Variants in MAST1 observed in about 807,000 individuals in gnomAD.
MAST1 encodes the protein microtubule-associated serine/threonine-protein kinase 1.
In MAST1, 40 loss-of-function variants were observed where a neutral mutation model predicts 124.6. The observed-to-expected ratio is 0.32, with a 90% CI of 0.25 to 0.42. The LOEUF (loss-of-function observed/expected upper bound fraction) is 0.42, where lower values mean the gene tolerates loss of function less well. Ranked by LOEUF, MAST1 falls within the 10% of genes least tolerant of loss-of-function variation. MAST1 has a pLI of 1.00. For missense variants in MAST1, 1,558 were observed against 2,181.9 expected (o/e 0.71, Z 5.70); for synonymous variants, 938 against 939.4 (o/e 1.00, Z 0.03).
rs373003173 is a variant in MAST1 at position 12,843,510 on chromosome 19, C to G, written c.249-19C>G. 9.9e-6 allele frequency: 16 copies of G among 1,609,944 alleles called. No individual in the cohort carries two copies. The highest frequency in any genetic ancestry group is 1.3e-5 in the African/African-American group (1 of 74,822). ...CCGCTGGGGCCTTGTGGCCTCTGAG[C>G]ACCTTGGCTGGGTTCCAGGGCGGAC... is the stretch of plus-strand genomic sequence containing the variant. On this transcript the variant is annotated intron_variant, in intron 3 of 25. Coordinates refer to ENST00000251472, the MANE Select transcript of MAST1 (RefSeq NM_014975.3). This position sits in a 1 kb window ranked among gnomAD's most constrained non-coding sequence, Gnocchi z 4.9.
In MAST1 at chr19:12,864,791, C is replaced by T. The variant is rs932631405; in HGVS notation, c.1367-18C>T. ...GGAATGCCTCCCTTTTTATGCGGGC[C>T]CATTTCCTGGCCTGCAGGCGGCGAC... On this transcript the variant is annotated intron_variant, in intron 12 of 25. Coordinates refer to ENST00000251472, the MANE Select transcript of MAST1 (RefSeq NM_014975.3). 2 of 1,613,236 alleles carry T rather than the reference C, an allele frequency of 1.2e-6. No homozygotes were observed. Among genetic ancestry groups the T allele is most frequent in the South Asian group, 2.2e-5 (2 of 91,078 alleles).
chr19:12,840,168 T>C (rs1969808140), intron 1 of MAST1, among the ~76,000 whole-genome samples: 1 of 152,218 alleles, frequency 6.6e-6, no homozygotes, highest in African/African-American at 2.4e-5. Flanking sequence ...TCACCAATGG[T>C]GTCACCTAGA....
chr19:12,865,582 G>A lies in MAST1; in HGVS notation c.1804+101G>A. 6.0e-6 allele frequency: 9 copies of A among 1,499,698 alleles called. No homozygotes were observed. Among genetic ancestry groups the A allele is most frequent in the East Asian group, 2.3e-5 (1 of 44,010 alleles). 92.9% of individuals were successfully genotyped at this position (1,499,698 alleles called of 1,614,324 possible). ...TTCAAAAGCGACCCCCCAGAGGATC[G>A]CTTGCACTCAGGAGGTCAAGGCTGC... On this transcript the variant is annotated intron_variant, in intron 15 of 25. Transcript: ENST00000251472. This position sits in a 1 kb window ranked among gnomAD's most constrained non-coding sequence, Gnocchi z 7.1.
At chr19:12,857,895 G>A (rs944566563) in intron 10 of MAST1, among the ~76,000 whole-genome samples, 1 of 151,368 alleles carries the variant, frequency 6.6e-6, no homozygotes, top group Non-Finnish European at 1.5e-5. Context: ...ATGTGCCTGT[G>A]GTCCCAGCTA....
rs773991868 is a variant in MAST1, at chr19:12,867,730, C to T, written c.2319C>T (p.Ile773=). 3.0e-5 allele frequency: 46 copies of T among 1,531,280 alleles called. No individual in the cohort carries two copies. Among genetic ancestry groups the T allele is most frequent in the East Asian group, 2.4e-4 (10 of 42,096 alleles). The allele number at this position is 1,531,280 out of a possible 1,614,324, so 94.9% of individuals were successfully genotyped here. A position where few individuals can be genotyped will look rare whatever the true frequency, so the allele number is the denominator to read the frequency against. Residue 773 remains isoleucine (I), a splice_region_variant and synonymous_variant, in exon 20 of 26, where the codon ATC becomes ATT. Transcript: ENST00000251472. The part of the protein sequence containing the change: ...EKTWRGGSPE[I]KRFSASEASF... ...CCATAACCACGCCCCCTCCATGCAGCAAGCGATTCTCCGCGTCCGAGGCCA... is the reference window on the plus strand; with the variant it reads ...CCATAACCACGCCCCCTCCATGCAGTAAGCGATTCTCCGCGTCCGAGGCCA...
chr19:12,843,053 A>G lies in MAST1; in HGVS notation c.249-476A>G, dbSNP rs1270338133. Among the ~76,000 whole-genome samples, 9 of 152,186 alleles carry G rather than the reference A, an allele frequency of 5.9e-5. No individual in the cohort carries two copies. On this transcript the variant is annotated intron_variant, in intron 3 of 25. Transcript: ENST00000251472. The surrounding 1 kb of genome is among the most constrained non-coding windows in gnomAD (Gnocchi z 4.9). ...GTGAGCCTGACCTGATAGTCACACC[A>G]ACATTAATGGATTTGGCTGCAACAG...
At chr19:12,840,321 G>C in intron 1 of MAST1, 125 bp from the exon 2 acceptor site, 1 of 668,430 alleles carries the variant, frequency 1.5e-6, no homozygotes, top group Non-Finnish European at 2.7e-6. Flanking sequence ...AACCCTCCCA[G>C]GGAGCCTCCA....
intron 2 of MAST1, 115 bp downstream of exon 2, chr19:12,840,649 A>T: frequency 1.3e-6 from 1 of 760,148 alleles, no homozygotes. Context: ...GAGGCGAACC[A>T]GTTTGGATAA....
chr19:12,874,286 C>G lies in MAST1; in HGVS notation c.4129C>G (p.Pro1377Ala). Residue 1377 changes from proline (P) to alanine (A), a missense_variant, in exon 26 of 26, where the codon CCC becomes GCC. By Grantham distance (27) the Pro-to-Ala change is conservative (BLOSUM62 -1). Transcript: ENST00000251472. The surrounding 1 kb of genome is among the most constrained non-coding windows in gnomAD (Gnocchi z 6.6). Reference sequence around the variant, plus strand: ...GTGCACCCCACCCCGCGCGACGACCCCCGGTGGCCGGACCCTGGAGCGGGA... The same window carrying G: ...GTGCACCCCACCCCGCGCGACGACCGCCGGTGGCCGGACCCTGGAGCGGGA... ...EACTPPRATTPGGRTLERDVG... is the reference protein window; with the variant it reads ...EACTPPRATTAGGRTLERDVG... The G allele has an allele frequency of 6.3e-7, 1 of 1,591,170 alleles. No homozygotes were observed.
intron 1 of MAST1, among the ~76,000 whole-genome samples, chr19:12,839,557 C>G (rs1453765808): frequency 6.6e-6 from 1 of 152,196 alleles, no homozygotes; most frequent in Non-Finnish European, 1.5e-5. Context: ...CACATGTTAT[C>G]ACATTGCAAG....
Position 12,874,282 on chromosome 19 carries a change from G to A in MAST1, c.4125G>A (p.Thr1375=), listed in dbSNP as rs745333105. 2 of 1,589,788 alleles carry A rather than the reference G, an allele frequency of 1.3e-6. No homozygotes were observed. The highest frequency in any genetic ancestry group is 8.5e-7 in the Non-Finnish European group (1 of 1,173,996). ...AGGCGTGCACCCCACCCCGCGCGAC[G>A]ACCCCCGGTGGCCGGACCCTGGAGC... The part of the protein sequence containing the change: ...GAEACTPPRA[T]TPGGRTLERD... The change falls in exon 26 of 26, where the codon ACG becomes ACA. Residue 1375 remains threonine (T), a synonymous_variant. Coordinates refer to ENST00000251472, the MANE Select transcript of MAST1 (RefSeq NM_014975.3). The surrounding 1 kb of genome is among the most constrained non-coding windows in gnomAD (Gnocchi z 6.6).
Position 12,865,391 on chromosome 19 carries a change from G to T in MAST1, c.1714G>T (p.Ala572Ser). The change falls in exon 15 of 26, where the codon GCT becomes TCT. Residue 572 changes from alanine to serine, a missense_variant. Around this residue, in one of 10 missense-constraint regions of MAST1, gnomAD observed 145 missense variants for 350.0 expected, o/e 0.41. Coordinates refer to ENST00000251472, the MANE Select transcript of MAST1 (RefSeq NM_014975.3). The surrounding 1 kb of genome is among the most constrained non-coding windows in gnomAD (Gnocchi z 7.1). ...QGYGKPVDWWAMGIILYEFLV... is the reference protein window; with the variant it reads ...QGYGKPVDWWSMGIILYEFLV... ...CTACGGCAAGCCAGTGGACTGGTGG[G>T]CTATGGGGATCATCCTCTACGAGTT... 6.2e-6 allele frequency: 10 copies of T among 1,612,742 alleles called. No individual in the cohort carries two copies. The highest frequency in any genetic ancestry group is 1.3e-5 in the African/African-American group (1 of 74,966).
chr19:12,855,346 G>T lies in MAST1; in HGVS notation c.1077+2951G>T, dbSNP rs199854081. Among the ~76,000 whole-genome samples the T allele has an allele frequency of 2.6e-5, 4 of 152,154 alleles. No homozygotes were observed. In the East Asian group the frequency reaches 7.7e-4, roughly 29 times the overall value. On this transcript the variant is annotated intron_variant, in intron 10 of 25. Transcript: ENST00000251472. The stretch of plus-strand genomic sequence containing the variant: ...GAAAAATCAGAAGTTCTAGGGCTGG[G>T]TGTAGTGGCTCATGCCTGTAGTCCC...
At chr19:12,852,636 C>T (rs902096369) in intron 10 of MAST1, among the ~76,000 whole-genome samples, 9 of 151,062 alleles carry the variant, frequency 6.0e-5, no homozygotes, top group Non-Finnish European at 1.0e-4. Flanking sequence ...GTCGGGAGTT[C>T]GAGACCAGCC....
In MAST1 at chr19:12,841,530, T is replaced by TG. The variant is rs754247783; in HGVS notation, c.248+468dup. Among the ~76,000 whole-genome samples, 5 of 152,336 alleles carry TG rather than the reference T, an allele frequency of 3.3e-5. No homozygotes were observed. The highest frequency in any genetic ancestry group is 3.9e-4 in the East Asian group (2 of 5,182). ...CTTTCCAAGGGTCTCTTAGGGTTTC[T>TG]GGGGTGTCCTTAAATGAATTTTCTA... On this transcript the variant is annotated intron_variant, in intron 3 of 25. Transcript: ENST00000251472. This position sits in a 1 kb window ranked among gnomAD's most constrained non-coding sequence, Gnocchi z 4.3.
intron 10 of MAST1, 151 bp downstream of exon 10, chr19:12,852,546 A>T: frequency 1.3e-6 from 1 of 755,226 alleles, no homozygotes; most frequent in Non-Finnish European, 2.2e-6. Flanking sequence ...GATTAATAAT[A>T]GCTCTTCCAG....
In MAST1 at chr19:12,865,512, G is replaced by A. The variant is rs1970140614; in HGVS notation, c.1804+31G>A. ...TGGCTTGGCAGTGTACAGGGGCAGA[G>A]TGTGGTGTGCACGGAGAGATGGACA... On this transcript the variant is annotated intron_variant, in intron 15 of 25. Coordinates refer to ENST00000251472, the MANE Select transcript of MAST1 (RefSeq NM_014975.3). The surrounding 1 kb of genome is among the most constrained non-coding windows in gnomAD (Gnocchi z 7.1). The A allele has an allele frequency of 1.3e-6, 2 of 1,551,424 alleles. No individual in the cohort carries two copies. The highest frequency in any genetic ancestry group is 1.7e-6 in the Non-Finnish European group (2 of 1,149,090).
intron 4 of MAST1, among the ~76,000 whole-genome samples, chr19:12,845,743 A>G (rs1322038920): frequency 7.1e-6 from 1 of 140,180 alleles, no homozygotes; most frequent in African/African-American, 2.7e-5. Flanking sequence ...TGCAACCTCC[A>G]TCTCCTGGGT....
intron 7 of MAST1, chr19:12,848,282 G>C: frequency 1.8e-6 from 1 of 544,548 alleles, no homozygotes; most frequent in Non-Finnish European, 3.3e-6. Flanking sequence ...TTACTCAAAT[G>C]TCACCTTTTC....
Sources: gnomAD v4.1 joint callset for allele counts (sites outside exome capture counted in the v4.1 genomes callset) on GRCh38, gnomAD v4.1.1 for gene constraint, gnomAD v4.1.1 regional missense constraint, Gnocchi (gnomAD v3.1) non-coding constraint, MANE v1.5 for transcripts, NCBI Gene and HGNC (gene_info 2026-07-23, HGNC 2026-07-21) for gene names.